PPEF1: variants seen among roughly 807,000 people sequenced by gnomAD.
PPEF1 encodes the protein protein phosphatase with EF-hand domain 1, also known as serine/threonine-protein phosphatase with EF-hands 1.
A neutral mutation model predicts 53.3 loss-of-function variants in PPEF1; 12 were observed. The observed-to-expected ratio is 0.23, with a 90% CI of 0.14 to 0.36. The LOEUF is 0.36. Ranked by LOEUF, PPEF1 falls within the 10% of genes least tolerant of loss-of-function variation. PPEF1 has a pLI of 1.00. For synonymous variants in PPEF1, 165 were observed against 176.7 expected (o/e 0.93, Z 0.52); for missense variants, 334 against 490.4 (o/e 0.68, Z 3.01).
upstream of PPEF1, among the ~76,000 whole-genome samples, chrX:18,681,732 T>C (rs1435189563): frequency 3.6e-5 from 4 of 111,855 alleles, no homozygotes; most frequent in Non-Finnish European, 7.5e-5. Flanking sequence ...CCCAGGTGGC[T>C]TTGCTTTGCC....
chrX:18,782,517 A>G (rs1192784617), intron 8 of PPEF1, 115 bp downstream of exon 8: 1 of 521,462 alleles, frequency 1.9e-6, no homozygotes, highest in East Asian at 3.9e-5. Context: ...TAGGCCAACT[A>G]GTCAGAATGC....
At chrX:18,692,952 T>C (rs1460242098) in intron 4 of PPEF1, among the ~76,000 whole-genome samples, 3 of 112,105 alleles carry the variant, frequency 2.7e-5, no homozygotes, top group Non-Finnish European at 5.6e-5. Context: ...TTCTCTCTTA[T>C]TGGTACATAA....
chrX:18,717,608 A>T (rs919713949), intron 1 of PPEF1, among the ~76,000 whole-genome samples: 6 of 111,255 alleles, frequency 5.4e-5, no homozygotes, highest in Admixed American at 3.9e-4. Flanking sequence ...GAGCATTTTC[A>T]GTGCTGATTT....
chrX:18,726,256 A>G (rs752777068), intron 1 of PPEF1, among the ~76,000 whole-genome samples: 57 of 110,856 alleles, frequency 5.1e-4, no homozygotes, highest in African/African-American at 1.8e-3. Flanking sequence ...GGGGAGGCTG[A>G]GGCAGAGAAT....
chrX:18,693,911 A>G (rs900584527), intron 4 of PPEF1, among the ~76,000 whole-genome samples: 5 of 111,624 alleles, frequency 4.5e-5, no homozygotes, highest in African/African-American at 1.6e-4. Flanking sequence ...CATAACCACC[A>G]TCATCATCAG....
chrX:18,735,442 G>A lies in PPEF1; in HGVS notation c.235+1634G>A, dbSNP rs760783824. On this transcript the variant is annotated intron_variant, in intron 3 of 15. Coordinates refer to ENST00000470157, the MANE Select transcript of PPEF1 (RefSeq NM_001377996.1). ...TGTCAAATACCAGATGGTTGTAGATGTGTGGTATTATTTCTGAGGACTCTG... is the reference window on the plus strand; with the variant it reads ...TGTCAAATACCAGATGGTTGTAGATATGTGGTATTATTTCTGAGGACTCTG... Among the ~76,000 whole-genome samples the A allele has an allele frequency of 9.5e-4, 106 of 111,674 alleles. 1 individual carries two copies. Among genetic ancestry groups the A allele is most frequent in the African/African-American group, 3.2e-3 (98 of 30,768 alleles).
chrX:18,713,420 CTTTTTT>C (rs55997147), intron 1 of PPEF1, among the ~76,000 whole-genome samples: 1 of 77,519 alleles, frequency 1.3e-5, no homozygotes, highest in Non-Finnish European at 2.4e-5. Flanking sequence ...CCTTAAAATT[CTTTTTT>C]TTTTTTTTTT....
intron 1 of PPEF1, among the ~76,000 whole-genome samples, chrX:18,715,085 G>A (rs1380283919): frequency 1.8e-5 from 2 of 111,812 alleles, no homozygotes; most frequent in Non-Finnish European, 3.8e-5. Context: ...TAGAGAAGTA[G>A]CATCGGGCCA....
chrX:18,767,615 AT>A (rs2045803088), intron 6 of PPEF1, among the ~76,000 whole-genome samples: 1 of 112,606 alleles, frequency 8.9e-6, no homozygotes, highest in Non-Finnish European at 1.9e-5. Flanking sequence ...GGTTAAAGTA[AT>A]TTTTAAAGGC....
intron 10 of PPEF1, among the ~76,000 whole-genome samples, chrX:18,802,404 C>T (rs1427162218): frequency 9.0e-6 from 1 of 111,442 alleles, no homozygotes; most frequent in African/African-American, 3.3e-5. Context: ...GATCTTTAGT[C>T]CTGGACATCA....
intron 1 of PPEF1, among the ~76,000 whole-genome samples, chrX:18,729,234 C>T (rs751446332): frequency 5.4e-5 from 6 of 111,899 alleles, no homozygotes; most frequent in South Asian, 7.5e-4. Flanking sequence ...TTTTATCAAT[C>T]GAATCTCAGG....
At chrX:18,778,633 G>A (rs1321198510) in intron 6 of PPEF1, among the ~76,000 whole-genome samples, 3 of 111,641 alleles carry the variant, frequency 2.7e-5, no homozygotes, top group East Asian at 2.8e-4. Flanking sequence ...TTTCTGGCTC[G>A]TAGTTTGGTG....
intron 13 of PPEF1, among the ~76,000 whole-genome samples, chrX:18,821,237 A>G (rs957338036): frequency 2.7e-5 from 3 of 109,546 alleles, no homozygotes; most frequent in African/African-American, 9.9e-5. Context: ...AAAAAAAAAA[A>G]AAAGAAATAA....
intron 8 of PPEF1, among the ~76,000 whole-genome samples, chrX:18,782,825 G>A (rs1442626520): frequency 9.0e-6 from 1 of 110,891 alleles, no homozygotes; most frequent in Admixed American, 9.7e-5. Flanking sequence ...TCAGAAGGCA[G>A]AGGGAGGCTG....
At chrX:18,754,379 T>C (rs1009373007) in intron 4 of PPEF1, among the ~76,000 whole-genome samples, 1 of 111,110 alleles carries the variant, frequency 9.0e-6, no homozygotes, top group African/African-American at 3.3e-5. Flanking sequence ...CCCAGTACCC[T>C]CATTCTCAGG....
chrX:18,749,957 G>A lies in PPEF1; in HGVS notation c.396+5G>A. The A allele has an allele frequency of 8.4e-7, 1 of 1,192,678 alleles. No homozygotes were observed. ...GAGGCCTTCAAGGAACAACAGGTAA[G>A]TGGAAGCAGATGCTGCCTTGATTCT... On this transcript the variant is annotated splice_donor_5th_base_variant and intron_variant, in intron 4 of 15. Coordinates refer to ENST00000470157, the MANE Select transcript of PPEF1 (RefSeq NM_001377996.1).
intron 1 of PPEF1, among the ~76,000 whole-genome samples, chrX:18,726,398 C>T (rs1352216130): frequency 1.1e-5 from 1 of 91,602 alleles, no homozygotes; most frequent in African/African-American, 4.1e-5. Context: ...AAATAAATGG[C>T]GGCCATTATT....
chrX:18,811,603 ATATATATATATATTTTTT>A lies in PPEF1; in HGVS notation c.1394+5060_1394+5077del, dbSNP rs1465673869. The stretch of plus-strand genomic sequence containing the variant: ...ACTTATTCAGTATATATATATATAT[ATATATATATATATTTTTT>A]TTTTTTTTTTTTTTGAGACAGGGTC... On this transcript the variant is annotated intron_variant, in intron 12 of 15. Transcript: ENST00000470157. 4.4e-3 allele frequency among the ~76,000 whole-genome samples: 90 copies of A among 20,642 alleles called. 1 individual carries two copies. The highest frequency in any genetic ancestry group is 0.012 in the African/African-American group (81 of 6,957). 17.9% of individuals were successfully genotyped at this position (20,642 alleles called of 115,157 possible). A position where few individuals can be genotyped will look rare whatever the true frequency, so the allele number is the denominator to read the frequency against.
chrX:18,813,995 C>T (rs2046857540), intron 12 of PPEF1, among the ~76,000 whole-genome samples: 1 of 110,758 alleles, frequency 9.0e-6, no homozygotes, highest in Non-Finnish European at 1.9e-5. Context: ...GCCCTCCTTT[C>T]TGCCTCCCCA....
Sources: gnomAD v4.1 joint callset for allele counts (sites outside exome capture counted in the v4.1 genomes callset) on GRCh38, gnomAD v4.1.1 for gene constraint, MANE v1.5 for transcripts, NCBI Gene and HGNC (gene_info 2026-07-23, HGNC 2026-07-21) for gene names.